The following PCDH15 variants were observed in gnomAD, a reference collection of about 807,000 sequenced individuals.
PCDH15 encodes the protein protocadherin-15.
In PCDH15, 129 loss-of-function variants were observed where a neutral mutation model predicts 178.5. The ratio of observed to expected loss-of-function variants is 0.72; its 90% CI spans 0.63 to 0.84. The LOEUF is 0.84. Ranked by LOEUF, PCDH15 falls within the 40% of genes least tolerant of loss-of-function variation. The pLI is 0.00. For synonymous variants in PCDH15, 800 were observed against 732.0 expected, an observed-to-expected ratio of 1.09 and a Z score of -1.50; for missense variants, 2,230 against 2,099.9, an observed-to-expected ratio of 1.06 and a Z score of -1.21.
At chr10:55,250,224 A>T (rs929732024) in intron 1 of PCDH15, among the ~76,000 whole-genome samples, 2 of 152,152 alleles carry the variant, frequency 1.3e-5, no homozygotes, top group African/African-American at 4.8e-5. Context: ...GCTCACTGAA[A>T]CCTCAAACTC....
intron 7 of PCDH15, among the ~76,000 whole-genome samples, chr10:54,323,417 C>T (rs996108988): frequency 6.6e-6 from 1 of 152,000 alleles, no homozygotes; most frequent in African/African-American, 2.4e-5. Context: ...TGCATGTCTA[C>T]ATTAATTGCC....
intron 2 of PCDH15, among the ~76,000 whole-genome samples, chr10:54,607,513 C>T (rs1230586728): frequency 6.6e-6 from 1 of 151,966 alleles, no homozygotes; most frequent in Non-Finnish European, 1.5e-5. Flanking sequence ...CCTCAGAGAC[C>T]TCTCAATTCC....
At chr10:53,838,227 G>A (rs1329710019) in intron 29 of PCDH15, among the ~76,000 whole-genome samples, 2 of 151,818 alleles carry the variant, frequency 1.3e-5, no homozygotes, top group African/African-American at 2.4e-5. Context: ...CACCCACCTC[G>A]GCCTCCCAAA....
chr10:53,924,091 AG>A (rs2084251192), intron 25 of PCDH15, among the ~76,000 whole-genome samples: 1 of 152,024 alleles, frequency 6.6e-6, no homozygotes, highest in Admixed American at 6.5e-5. Context: ...GCGCTTGAGG[AG>A]CCCTTCAGCC....
At position 54,516,174 on chromosome 10, in the gene PCDH15, G is replaced by C. The variant is rs570506919; in HGVS notation, c.157+11638C>G. On this transcript the variant is annotated intron_variant, in intron 3 of 37. Coordinates refer to ENST00000644397, the MANE Select transcript of PCDH15 (RefSeq NM_001384140.1). ...ATGCTTTGACGAGCTGAGAGAAGAA[G>C]GCTTCAGATGATCAAACTACTCTGA... 8.5e-5 allele frequency among the ~76,000 whole-genome samples: 13 copies of C among 152,264 alleles called. No homozygotes were observed. The South Asian group carries it at 2.1e-3, about 24-fold the overall frequency.
At chr10:54,724,801 T>A (rs2132553942) in intron 1 of PCDH15, among the ~76,000 whole-genome samples, 1 of 151,302 alleles carries the variant, frequency 6.6e-6, no homozygotes, top group Non-Finnish European at 1.5e-5. Context: ...ATATATATAA[T>A]TTTAGATTCA....
chr10:53,848,666 A>T (rs1428166433), intron 28 of PCDH15, among the ~76,000 whole-genome samples: 1 of 151,970 alleles, frequency 6.6e-6, no homozygotes, highest in Non-Finnish European at 1.5e-5. Flanking sequence ...ATATACCTGT[A>T]TCAATTATTT....
intron 1 of PCDH15, among the ~76,000 whole-genome samples, chr10:54,788,131 A>G (rs1361333864): frequency 1.3e-5 from 2 of 151,870 alleles, no homozygotes; most frequent in Non-Finnish European, 2.9e-5. Flanking sequence ...CTCTAAAGCT[A>G]TTAAGGGGAT....
At chr10:54,419,237 T>C (rs374424303) in intron 3 of PCDH15, among the ~76,000 whole-genome samples, 1 of 82,322 alleles carries the variant, frequency 1.2e-5, no homozygotes, top group Non-Finnish European at 2.5e-5. Flanking sequence ...CATATACATA[T>C]ATACATACAC....
At chr10:54,025,177 C>G (rs1258577242) in intron 18 of PCDH15, among the ~76,000 whole-genome samples, 1 of 152,138 alleles carries the variant, frequency 6.6e-6, no homozygotes, top group Non-Finnish European at 1.5e-5. Flanking sequence ...TATACATCCA[C>G]TAGGAAACAT....
At chr10:55,437,993 C>T (rs1435781176) in intron 2 of PCDH15, among the ~76,000 whole-genome samples, 9 of 151,822 alleles carry the variant, frequency 5.9e-5, no homozygotes, top group Admixed American at 2.6e-4. Context: ...TGTGCCACCA[C>T]GCCGGCTAAT....
At chr10:55,010,196 C>A (rs1922145) in intron 2 of PCDH15, among the ~76,000 whole-genome samples, 119,904 of 151,966 alleles carry the variant, frequency 0.79, 47,596 homozygotes, top group African/African-American at 0.87. Context: ...AAGTAAAAAA[C>A]TAAAAAAGGA....
At chr10:54,841,649 A>T (rs910266486) in intron 3 of PCDH15, among the ~76,000 whole-genome samples, 1 of 151,870 alleles carries the variant, frequency 6.6e-6, no homozygotes, top group African/African-American at 2.4e-5. Flanking sequence ...TAAAAGTTTT[A>T]AAAATAATGG....
At chr10:55,544,139 C>CATATATATACATAT (rs1554795194) in intron 2 of PCDH15, among the ~76,000 whole-genome samples, 1 of 54,346 alleles carries the variant, frequency 1.8e-5, no homozygotes, top group African/African-American at 7.0e-5. Flanking sequence ...CTTATACATA[C>CATATATATACATAT]ATATATATAT....
At chr10:55,625,607 T>C (rs1837510139) in intron 2 of PCDH15, among the ~76,000 whole-genome samples, 1 of 152,166 alleles carries the variant, frequency 6.6e-6, no homozygotes. Flanking sequence ...ACTAAACAGT[T>C]TATTTGAAAG....
intron 25 of PCDH15, among the ~76,000 whole-genome samples, chr10:53,926,903 C>T (rs1043025463): frequency 1.3e-5 from 2 of 152,098 alleles, no homozygotes; most frequent in African/African-American, 4.8e-5. Context: ...CTTTAAAGCG[C>T]TAATCTCACC....
intron 15 of PCDH15, among the ~76,000 whole-genome samples, chr10:54,127,301 G>T (rs1169801036): frequency 6.6e-6 from 1 of 151,998 alleles, no homozygotes; most frequent in East Asian, 1.9e-4. Context: ...TATCCATTTG[G>T]CAAATTGTGG....
chr10:55,347,875 C>A (rs1201179855), intron 2 of PCDH15, among the ~76,000 whole-genome samples: 2 of 151,972 alleles, frequency 1.3e-5, no homozygotes, highest in Non-Finnish European at 1.5e-5. Context: ...TGTTATATTT[C>A]TTTTTATTTT....
intron 3 of PCDH15, among the ~76,000 whole-genome samples, chr10:54,457,028 T>C (rs1188494045): frequency 6.6e-6 from 1 of 152,146 alleles, no homozygotes; most frequent in Non-Finnish European, 1.5e-5. Context: ...TGTTTCTTCA[T>C]AGTGGTGTGA....
Sources: allele counts gnomAD v4.1 joint callset (sites outside exome capture counted in the v4.1 genomes callset), GRCh38; gene constraint gnomAD v4.1.1; transcripts MANE v1.5; gene names NCBI Gene and HGNC (gene_info 2026-07-23, HGNC 2026-07-21).